MON1B: variants seen among roughly 807,000 people sequenced by gnomAD.
MON1B encodes MON1 vesicular trafficking associated B.
In MON1B, 26 loss-of-function variants were observed where a neutral mutation model predicts 45.1. That is an observed-to-expected ratio of 0.58 (90% confidence interval 0.42 to 0.80). The LOEUF is 0.80. Ranked by LOEUF, MON1B falls within the 30% of genes least tolerant of loss-of-function variation. MON1B has a pLI of 0.00. For missense variants in MON1B, 737 were observed against 754.5 expected (o/e 0.98, Z 0.27); for synonymous variants, 395 against 320.2 (o/e 1.23, Z -2.49).
At position 77,199,555 on chromosome 16, in the gene MON1B, G is replaced by A; in HGVS notation, c.*1247G>A. The A allele has an allele frequency of 6.9e-7, 1 of 1,444,256 alleles. No individual in the cohort carries two copies. Among genetic ancestry groups the A allele is most frequent in the Non-Finnish European group, 9.5e-7 (1 of 1,053,536 alleles). The allele number at this position is 1,444,256 out of a possible 1,614,324, so 89.5% of individuals were successfully genotyped here. A position where few individuals can be genotyped will look rare whatever the true frequency, so the allele number is the denominator to read the frequency against. ...GCTGCACTCCTTTCTCTCCAACCAG[G>A]GCAGAAAGGAGGGAGGATTCGTCCC... On this transcript the variant is annotated 3_prime_UTR_variant, in exon 6 of 6. Coordinates refer to ENST00000248248, the MANE Select transcript of MON1B (RefSeq NM_014940.4).
At position 77,199,624 on chromosome 16, in the gene MON1B, A is replaced by C; in HGVS notation, c.*1316A>C. On this transcript the variant is annotated 3_prime_UTR_variant, in exon 6 of 6. Coordinates refer to ENST00000248248, the MANE Select transcript of MON1B (RefSeq NM_014940.4). ...TGATATTCTAATTTTTTTAAATAAA[A>C]TGTTAAGCCTTTTGTTATTGAAGAA... The C allele has an allele frequency of 1.1e-6, 1 of 939,776 alleles. No individual in the cohort carries two copies. The highest frequency in any genetic ancestry group is 2.7e-5 in the East Asian group (1 of 37,616). The allele number at this position is 939,776 out of a possible 1,614,324, so 58.2% of individuals were successfully genotyped here. A position where few individuals can be genotyped will look rare whatever the true frequency, so the allele number is the denominator to read the frequency against.
rs1445654727 is a variant in MON1B, at chr16:77,201,898, A to C, written c.*3590A>C. 6.6e-6 allele frequency: 1 copy of C among 152,216 alleles called. No individual in the cohort carries two copies. Among genetic ancestry groups the C allele is most frequent in the East Asian group, 1.9e-4 (1 of 5,200 alleles). The allele number at this position is 152,216 out of a possible 1,614,324, so 9.4% of individuals were successfully genotyped here. A position where few individuals can be genotyped will look rare whatever the true frequency, so the allele number is the denominator to read the frequency against. The stretch of plus-strand genomic sequence containing the variant: ...ATCGTATTTTTATTAGAGACAAGCC[A>C]GTTGGGATTGAAACAAAAATGGAGG... On this transcript the variant is annotated 3_prime_UTR_variant, in exon 6 of 6. Coordinates refer to ENST00000248248, the MANE Select transcript of MON1B (RefSeq NM_014940.4).
Position 77,194,881 on chromosome 16 carries a change from C to T in MON1B, c.1022C>T (p.Ala341Val). ...NPDGFFYAYV[A>V]RLDAMPVCLL... ...GATGGTTTTTTCTACGCCTACGTGG[C>T]CCGCCTGGATGCTATGCCTGTCTGC... Residue 341 changes from alanine to valine, a missense_variant, in exon 4 of 6, where the codon GCC becomes GTC. Physicochemically the swap from Ala to Val is moderately conservative, Grantham distance 64. Transcript: ENST00000248248. This position sits in a 1 kb window ranked among gnomAD's most constrained non-coding sequence, Gnocchi z 8.1. 2 of 1,612,424 alleles carry T rather than the reference C, an allele frequency of 1.2e-6. No homozygotes were observed. The highest frequency in any genetic ancestry group is 1.3e-5 in the African/African-American group (1 of 75,064).
Position 77,194,628 on chromosome 16 carries a change from C to G in MON1B, c.769C>G (p.Leu257Val). The change falls in exon 4 of 6, where the codon CTG becomes GTG. Residue 257 changes from leucine (L) to valine (V), a missense_variant. Physicochemically the swap from Leu to Val is conservative, Grantham distance 32 (BLOSUM62 1). Transcript: ENST00000248248. This position sits in a 1 kb window ranked among gnomAD's most constrained non-coding sequence, Gnocchi z 8.1. The part of the protein sequence containing the change: ...AVRCVPLARP[L>V]RDALGALLRR... ...GCGCTGTGTGCCCCTTGCCCGCCCG[C>G]TGCGAGACGCACTAGGTGCGCTCCT... 1.2e-6 allele frequency: 2 copies of G among 1,613,856 alleles called. No individual in the cohort carries two copies. The highest frequency in any genetic ancestry group is 1.7e-6 in the Non-Finnish European group (2 of 1,179,938).
intron 5 of MON1B, among the ~76,000 whole-genome samples, chr16:77,196,869 G>A (rs953032665): frequency 1.3e-5 from 2 of 152,108 alleles, no homozygotes; most frequent in Non-Finnish European, 2.9e-5. Context: ...AATTCAGTGA[G>A]CTAAAATCCT....
rs998782593 is a variant in MON1B at position 77,193,313 on chromosome 16, G to A, written c.149-138G>A. Reference sequence around the variant, plus strand: ...CCTAGGGCAGTCATCGGGTCATTGAGGGGCATAGGAGACACTTGGAGTTCT... The same window carrying A: ...CCTAGGGCAGTCATCGGGTCATTGAAGGGCATAGGAGACACTTGGAGTTCT... On this transcript the variant is annotated intron_variant, in intron 2 of 5. Coordinates refer to ENST00000248248, the MANE Select transcript of MON1B (RefSeq NM_014940.4). This position sits in a 1 kb window ranked among gnomAD's most constrained non-coding sequence, Gnocchi z 5.0. 1.0e-5 allele frequency: 8 copies of A among 766,482 alleles called. No individual in the cohort carries two copies. The Admixed American group carries it at 1.5e-4, about 14-fold the overall frequency. 47.5% of individuals were successfully genotyped at this position (766,482 alleles called of 1,614,324 possible).
In MON1B at chr16:77,199,240, T is replaced by C. The variant is rs148882587; in HGVS notation, c.*932T>C. On this transcript the variant is annotated 3_prime_UTR_variant, in exon 6 of 6. Coordinates refer to ENST00000248248, the MANE Select transcript of MON1B (RefSeq NM_014940.4). ...ACTGGCCATTACCCTAGTTCTGCCCTTGTTTGTGGAGTTACAGCCTCAAGG... is the reference window on the plus strand; with the variant it reads ...ACTGGCCATTACCCTAGTTCTGCCCCTGTTTGTGGAGTTACAGCCTCAAGG... 3.6e-4 allele frequency: 205 copies of C among 569,276 alleles called. No homozygotes were observed. The African/African-American group carries it at 3.7e-3, about 10-fold the overall frequency. 35.3% of individuals were successfully genotyped at this position (569,276 alleles called of 1,614,324 possible). A position where few individuals can be genotyped will look rare whatever the true frequency, so the allele number is the denominator to read the frequency against.
chr16:77,194,814 G>A lies in MON1B; in HGVS notation c.955G>A (p.Gly319Ser). ...GGTGGGTGCACCAGCCTTTGCGGCGGGTGAGGCTTGGGCACCTGTGTGCCT... is the reference window on the plus strand; with the variant it reads ...GGTGGGTGCACCAGCCTTTGCGGCGAGTGAGGCTTGGGCACCTGTGTGCCT... ...DWVGAPAFAAGEAWAPVCLPR... is the reference protein window; with the variant it reads ...DWVGAPAFAASEAWAPVCLPR... The change falls in exon 4 of 6, where the codon GGT (glycine) becomes AGT (serine). Residue 319 changes from glycine (G) to serine (S), a missense_variant. Transcript: ENST00000248248. This position sits in a 1 kb window ranked among gnomAD's most constrained non-coding sequence, Gnocchi z 8.1. 1.9e-6 allele frequency: 3 copies of A among 1,611,688 alleles called. No individual in the cohort carries two copies. The highest frequency in any genetic ancestry group is 2.5e-6 in the Non-Finnish European group (3 of 1,180,004).
chr16:77,196,762 T>G (rs1378957102), intron 5 of MON1B, among the ~76,000 whole-genome samples: 3 of 152,126 alleles, frequency 2.0e-5, no homozygotes, highest in Non-Finnish European at 2.9e-5. Context: ...GGCGACAGAG[T>G]AAGACTCCAT....
chr16:77,193,485 A>G lies in MON1B; in HGVS notation c.183A>G (p.Ser61=), dbSNP rs761248740. The part of the protein sequence containing the change: ...SKDKDQPPSP[S]PPPQSEALSS... ...ACAAGGACCAGCCACCCAGCCCATC[A>G]CCACCGCCCCAGTCAGAGGCCCTGT... The change falls in exon 3 of 6, where the codon TCA becomes TCG. Residue 61 remains serine (S), a synonymous_variant. Transcript: ENST00000248248. This position sits in a 1 kb window ranked among gnomAD's most constrained non-coding sequence, Gnocchi z 5.0. 3.2e-6 allele frequency: 5 copies of G among 1,582,740 alleles called. No individual in the cohort carries two copies. Among genetic ancestry groups the G allele is most frequent in the Non-Finnish European group, 4.3e-6 (5 of 1,162,332 alleles).
chr16:77,202,367 C>T lies in MON1B; in HGVS notation c.*4059C>T, dbSNP rs1129680. On this transcript the variant is annotated 3_prime_UTR_variant, in exon 6 of 6. Transcript: ENST00000248248. ...TTTTTACAACTTTTGTGTACATCTG[C>T]AATTGTTTCAAAATAAAATGTTTAA... 1 of 151,960 alleles carries T rather than the reference C, an allele frequency of 6.6e-6. No individual in the cohort carries two copies. The highest frequency in any genetic ancestry group is 1.5e-5 in the Non-Finnish European group (1 of 67,992). 9.4% of individuals were successfully genotyped at this position (151,960 alleles called of 1,614,324 possible).
Position 77,198,578 on chromosome 16 carries a change from A to G in MON1B, c.*270A>G. The G allele has an allele frequency of 2.0e-6, 1 of 494,620 alleles. No individual in the cohort carries two copies. Among genetic ancestry groups the G allele is most frequent in the South Asian group, 2.1e-5 (1 of 47,676 alleles). 30.6% of individuals were successfully genotyped at this position (494,620 alleles called of 1,614,324 possible). Reference sequence around the variant, plus strand: ...CCTCTGTCTCATCTCCTCCACTTGGATGATGCTCTAGCCTCTGTCAGGGAC... The same window carrying G: ...CCTCTGTCTCATCTCCTCCACTTGGGTGATGCTCTAGCCTCTGTCAGGGAC... On this transcript the variant is annotated 3_prime_UTR_variant, in exon 6 of 6. Transcript: ENST00000248248.
In MON1B at chr16:77,201,219, A is replaced by C. The variant is rs1218388452; in HGVS notation, c.*2911A>C. On this transcript the variant is annotated 3_prime_UTR_variant, in exon 6 of 6. Coordinates refer to ENST00000248248, the MANE Select transcript of MON1B (RefSeq NM_014940.4). ...CAGAGAGCTCTTTTAGATTAGAGGC[A>C]CATACTAAGTGCCAGCATTCAACAA... The C allele has an allele frequency of 6.6e-6, 1 of 152,238 alleles. No homozygotes were observed. The highest frequency in any genetic ancestry group is 1.5e-5 in the Non-Finnish European group (1 of 68,050). The allele number at this position is 152,238 out of a possible 1,614,324, so 9.4% of individuals were successfully genotyped here.
rs773699761 is a variant in MON1B, at chr16:77,191,547, C to G, written c.62C>G (p.Thr21Arg). 2.5e-5 allele frequency: 41 copies of G among 1,608,492 alleles called. No homozygotes were observed. The highest frequency in any genetic ancestry group is 3.3e-5 in the Non-Finnish European group (39 of 1,178,508). ...GGGGGCGCGGAGGACTTGGAGGACA[C>G]GCAGTTCCCCAGTGAGGAAGCTAGA... ...APGGAEDLED[T>R]QFPSEEAREG... is the part of the protein sequence containing the mutation. The change falls in exon 2 of 6, where the codon ACG (threonine) becomes AGG (arginine). Residue 21 changes from threonine (T) to arginine (R), a missense_variant. Physicochemically the swap from Thr to Arg is moderately conservative, Grantham distance 71 (BLOSUM62 -1). Coordinates refer to ENST00000248248, the MANE Select transcript of MON1B (RefSeq NM_014940.4).
In MON1B at chr16:77,195,416, G is replaced by A. The variant is rs1410691331; in HGVS notation, c.1296-119G>A. The A allele has an allele frequency of 4.6e-6, 6 of 1,301,672 alleles. No individual in the cohort carries two copies. The African/African-American group carries it at 9.0e-5, about 19-fold the overall frequency. The allele number at this position is 1,301,672 out of a possible 1,614,324, so 80.6% of individuals were successfully genotyped here. A position where few individuals can be genotyped will look rare whatever the true frequency, so the allele number is the denominator to read the frequency against. ...GCCTCCAACCCCTGAGAATCCTCAA[G>A]TCTCATGGGAGAGGCTCAGCTCCCT... On this transcript the variant is annotated intron_variant, in intron 4 of 5. Coordinates refer to ENST00000248248, the MANE Select transcript of MON1B (RefSeq NM_014940.4).
chr16:77,197,910 G>A (rs1410746044), intron 5 of MON1B, among the ~76,000 whole-genome samples, 198 bp from the exon 6 acceptor site: 1 of 152,130 alleles, frequency 6.6e-6, no homozygotes, highest in Non-Finnish European at 1.5e-5. Context: ...TCATCCAGTT[G>A]AAGTCACTAG....
Position 77,195,535 on chromosome 16 carries a change from C to T in MON1B, c.1296C>T (p.Ser432=). 1 of 1,612,498 alleles carries T rather than the reference C, an allele frequency of 6.2e-7. No individual in the cohort carries two copies. The highest frequency in any genetic ancestry group is 8.5e-7 in the Non-Finnish European group (1 of 1,179,186). ...CCTCCACCTCCCTCCATCATGGCAG[C>T]CCTGAGCTAGAGGCCCCCTACAGCA... ...DHHRQLPQFT[S]PELEAPYSRE... Residue 432 remains serine, a splice_region_variant and synonymous_variant, in exon 5 of 6, where the codon AGC becomes AGT. Transcript: ENST00000248248.
At position 77,193,369 on chromosome 16, in the gene MON1B, A is replaced by G. The variant is rs962741676; in HGVS notation, c.149-82A>G. Reference sequence around the variant, plus strand: ...AGCATGCAGGGGTCATGGAGGGGCTAGTAGATATTTGGTGGGTCCTTGGGG... The same window carrying G: ...AGCATGCAGGGGTCATGGAGGGGCTGGTAGATATTTGGTGGGTCCTTGGGG... On this transcript the variant is annotated intron_variant, in intron 2 of 5. Coordinates refer to ENST00000248248, the MANE Select transcript of MON1B (RefSeq NM_014940.4). This position sits in a 1 kb window ranked among gnomAD's most constrained non-coding sequence, Gnocchi z 5.0. 4 of 1,340,598 alleles carry G rather than the reference A, an allele frequency of 3.0e-6. No homozygotes were observed. The highest frequency in any genetic ancestry group is 1.4e-5 in the South Asian group (1 of 71,008). 83.0% of individuals were successfully genotyped at this position (1,340,598 alleles called of 1,614,324 possible). A position where few individuals can be genotyped will look rare whatever the true frequency, so the allele number is the denominator to read the frequency against.
chr16:77,191,292 A>T (rs1224774634), intron 1 of MON1B, 34 bp downstream of exon 1: 1 of 1,543,558 alleles, frequency 6.5e-7, no homozygotes, highest in African/African-American at 1.4e-5. Context: ...GAGGCCCAGT[A>T]GAGTCTCCTC....
Sources: gnomAD v4.1 joint callset for allele counts (sites outside exome capture counted in the v4.1 genomes callset) on GRCh38, gnomAD v4.1.1 for gene constraint, Gnocchi (gnomAD v3.1) non-coding constraint, MANE v1.5 for transcripts, NCBI Gene and HGNC (gene_info 2026-07-23, HGNC 2026-07-21) for gene names.